MRC2: variants seen among roughly 807,000 people sequenced by gnomAD.
The protein encoded by MRC2 is mannose receptor C-type 2.
A neutral mutation model predicts 206.2 loss-of-function variants in MRC2; 84 were observed. That is an observed-to-expected ratio of 0.41 (90% CI 0.34 to 0.49). The LOEUF is 0.49. Among genes scored for constraint, MRC2 ranks in the 20% least tolerant of loss-of-function variants. The pLI, the probability that MRC2 is intolerant of heterozygous loss-of-function variation, is 0.31. For synonymous variants in MRC2, 798 were observed against 800.0 expected (o/e 1.00, Z 0.04); for missense variants, 1,676 against 2,001.5 (o/e 0.84, Z 3.10).
chr17:62,653,348 C>T (rs2088580338), intron 1 of MRC2, among the ~76,000 whole-genome samples: 1 of 152,102 alleles, frequency 6.6e-6, no homozygotes, highest in African/African-American at 2.4e-5. Context: ...CTAGCTTCCA[C>T]TCAGCCCGCA....
At chr17:62,635,137 T>C (rs2088296527) in intron 1 of MRC2, among the ~76,000 whole-genome samples, 2 of 146,764 alleles carry the variant, frequency 1.4e-5, no homozygotes, top group African/African-American at 5.1e-5. Flanking sequence ...AGCCCCATTG[T>C]TTTTTTTTTA....
chr17:62,691,962 C>A, intron 28 of MRC2, 150 bp from the exon 29 acceptor site: 2 of 1,030,446 alleles, frequency 1.9e-6, no homozygotes, highest in Non-Finnish European at 2.9e-6. Flanking sequence ...CCTGTGCCCC[C>A]ACAGTAACCA....
At chr17:62,665,751 G>A (rs2088744666) in intron 2 of MRC2, among the ~76,000 whole-genome samples, 1 of 152,190 alleles carries the variant, frequency 6.6e-6, no homozygotes, top group African/African-American at 2.4e-5. Context: ...GGGACACAGA[G>A]CCCATGGGCT....
In MRC2 at chr17:62,682,337, TG is replaced by T. The variant is rs1169702938; in HGVS notation, c.2912del (p.Gly971AlafsTer25). 1.9e-6 allele frequency: 3 copies of T among 1,606,450 alleles called. No homozygotes were observed. Among genetic ancestry groups the T allele is most frequent in the African/African-American group, 1.3e-5 (1 of 74,700 alleles). On this transcript the variant is annotated frameshift_variant, in exon 20 of 30. Transcript: ENST00000303375. LOFTEE classifies it high-confidence loss of function. ...TQPPDLPTTA[L>X]GGCPSDWIQF... ...CCCCCAGACCTGCCAACTACAGCCCTGGGGGGCTGCCCCTCTGACTGGATCC... is the reference window on the plus strand; with the variant it reads ...CCCCCAGACCTGCCAACTACAGCCCTGGGGGCTGCCCCTCTGACTGGATCC...
chr17:62,693,458 G>C lies in MRC2; in HGVS notation c.*1007G>C, dbSNP rs551540731. The C allele has an allele frequency of 6.5e-6, 1 of 152,694 alleles. No homozygotes were observed. Among genetic ancestry groups the C allele is most frequent in the African/African-American group, 2.4e-5 (1 of 41,550 alleles). 9.5% of individuals were successfully genotyped at this position (152,694 alleles called of 1,614,324 possible). The stretch of plus-strand genomic sequence containing the variant: ...ATGCGGCCCATCCTGGTGCGACAGC[G>C]TGGGACAATGTGAACATGGACTCGA... On this transcript the variant is annotated 3_prime_UTR_variant, in exon 30 of 30. Transcript: ENST00000303375.
rs1485814545 is a variant in MRC2, at chr17:62,667,308, G to A, written c.974-82G>A. The A allele has an allele frequency of 2.7e-6, 4 of 1,490,028 alleles. No individual in the cohort carries two copies. Among genetic ancestry groups the A allele is most frequent in the East Asian group, 4.8e-5 (2 of 42,020 alleles). 92.3% of individuals were successfully genotyped at this position (1,490,028 alleles called of 1,614,324 possible). On this transcript the variant is annotated intron_variant, in intron 5 of 29. Transcript: ENST00000303375. The surrounding 1 kb of genome is among the most constrained non-coding windows in gnomAD (Gnocchi z 4.1). ...CAGGCTTCCGAGGGAGCAGAGGGAG[G>A]TAGGAGGTTCTGAGCAGGGCCCCGG...
At position 62,671,936 on chromosome 17, in the gene MRC2, A is replaced by G; in HGVS notation, c.1307-62A>G. ...CCTCAGAGAATGTTCCTTCCTCCCT[A>G]CTGGTGGCTGAGGCTGACCTCTCAA... On this transcript the variant is annotated intron_variant, in intron 7 of 29. Transcript: ENST00000303375. The surrounding 1 kb of genome is among the most constrained non-coding windows in gnomAD (Gnocchi z 4.5). The G allele has an allele frequency of 6.2e-7, 1 of 1,610,988 alleles. No homozygotes were observed. Among genetic ancestry groups the G allele is most frequent in the Non-Finnish European group, 8.5e-7 (1 of 1,177,798 alleles).
intron 1 of MRC2, among the ~76,000 whole-genome samples, chr17:62,654,498 A>C (rs2088594428): frequency 6.6e-6 from 1 of 151,966 alleles, no homozygotes; most frequent in African/African-American, 2.4e-5. Flanking sequence ...TGCCTCCTTC[A>C]TCTGTGATGT....
At chr17:62,648,400 T>C (rs2088516684) in intron 1 of MRC2, among the ~76,000 whole-genome samples, 1 of 152,230 alleles carries the variant, frequency 6.6e-6, no homozygotes, top group Non-Finnish European at 1.5e-5. Flanking sequence ...CGTCCCAGTG[T>C]CTGCCAGGCC....
chr17:62,692,465 G>T lies in MRC2; in HGVS notation c.*14G>T, dbSNP rs763504011. ...CAACAAGAATAGAGCCAGGCGCGTG[G>T]GCAGGGCCAGGGCGGGAGGAGCTGG... On this transcript the variant is annotated 3_prime_UTR_variant, in exon 30 of 30. Transcript: ENST00000303375. This position sits in a 1 kb window ranked among gnomAD's most constrained non-coding sequence, Gnocchi z 4.2. 6.5e-7 allele frequency: 1 copy of T among 1,549,298 alleles called. No homozygotes were observed.
chr17:62,681,334 T>C (rs2088963959), intron 18 of MRC2: 1 of 620,954 alleles, frequency 1.6e-6, no homozygotes, highest in East Asian at 2.8e-5. Flanking sequence ...TTGTGAAGAT[T>C]AGAAATAACA....
chr17:62,655,872 C>T (rs923855301), intron 1 of MRC2, among the ~76,000 whole-genome samples: 15 of 152,130 alleles, frequency 9.9e-5, no homozygotes, highest in Admixed American at 3.9e-4. Context: ...TTCATGAGTT[C>T]AGCCTCTCCA....
intron 1 of MRC2, among the ~76,000 whole-genome samples, chr17:62,637,150 G>A (rs1368988426): frequency 6.6e-6 from 1 of 151,976 alleles, no homozygotes; most frequent in Non-Finnish European, 1.5e-5. Flanking sequence ...ATCACCTGAA[G>A]TCAGGAGTTC....
intron 1 of MRC2, among the ~76,000 whole-genome samples, chr17:62,630,696 G>A (rs1200165222): frequency 1.3e-5 from 2 of 152,160 alleles, no homozygotes; most frequent in African/African-American, 2.4e-5. Context: ...GGAGCTCCAG[G>A]GATCAAGTCT....
chr17:62,629,011 A>G (rs1383410010), intron 1 of MRC2, among the ~76,000 whole-genome samples: 1 of 152,180 alleles, frequency 6.6e-6, no homozygotes, highest in Admixed American at 6.5e-5. Flanking sequence ...ACGTAGGCAC[A>G]AGACACATAT....
intron 1 of MRC2, among the ~76,000 whole-genome samples, chr17:62,631,213 G>A (rs1042192110): frequency 1.8e-4 from 27 of 152,114 alleles, no homozygotes; most frequent in African/African-American, 6.5e-4. Flanking sequence ...GAGTCCTGTT[G>A]CACTGTCCAT....
Position 62,675,210 on chromosome 17 carries a change from G to A in MRC2, c.1570-580G>A, listed in dbSNP as rs571882708. Among the ~76,000 whole-genome samples the A allele has an allele frequency of 6.6e-6, 1 of 152,218 alleles. No individual in the cohort carries two copies. The highest frequency in any genetic ancestry group is 1.9e-4 in the East Asian group (1 of 5,176). ...ATGGTTAACAGCCCAGGATCACCAG[G>A]GGTCTTGGCACAGCCCCTGCCAGCA... On this transcript the variant is annotated intron_variant, in intron 9 of 29. Coordinates refer to ENST00000303375, the MANE Select transcript of MRC2 (RefSeq NM_006039.5). The surrounding 1 kb of genome is among the most constrained non-coding windows in gnomAD (Gnocchi z 4.1).
chr17:62,690,907 C>T, intron 27 of MRC2, 42 bp from the exon 28 acceptor site: 1 of 1,527,656 alleles, frequency 6.5e-7, no homozygotes, highest in Non-Finnish European at 8.8e-7. Context: ...CCTACTCCTG[C>T]CCCACCTTGT....
At chr17:62,643,342 A>AAAAAAG (rs1486261950) in intron 1 of MRC2, among the ~76,000 whole-genome samples, 13 of 38,616 alleles carry the variant, frequency 3.4e-4, no homozygotes, top group African/African-American at 6.4e-4. Flanking sequence ...AAAAAAAAAA[A>AAAAAAG]AAAAAGAAAA....
Sources: allele counts gnomAD v4.1 joint callset (sites outside exome capture counted in the v4.1 genomes callset), GRCh38; gene constraint gnomAD v4.1.1; non-coding constraint Gnocchi (gnomAD v3.1); transcripts MANE v1.5; gene names NCBI Gene and HGNC (gene_info 2026-07-23, HGNC 2026-07-21).